TCF7L2: variants seen among roughly 807,000 people sequenced by gnomAD.
TCF7L2 encodes the protein transcription factor 7-like 2.
TCF7L2 carries 23 observed loss-of-function variants against 77.9 expected under a neutral mutation model. The observed-to-expected ratio is 0.30, with a 90% CI of 0.21 to 0.42. TCF7L2 has a LOEUF of 0.42. Ranked by LOEUF, TCF7L2 falls within the 10% of genes least tolerant of loss-of-function variation. The probability of loss-of-function intolerance (pLI) is 1.00; values close to 1 mark genes in which losing one functional copy is unlikely to be tolerated. For synonymous variants in TCF7L2, 413 were observed against 340.2 expected (o/e 1.21, Z -2.36); for missense variants, 654 against 793.1 (o/e 0.82, Z 2.11).
At chr10:112,990,761 TATA>T (rs2135448015) in intron 4 of TCF7L2, among the ~76,000 whole-genome samples, 1 of 152,310 alleles carries the variant, frequency 6.6e-6, no homozygotes, top group Admixed American at 6.5e-5. Flanking sequence ...CCAAGCTGCT[TATA>T]GGTCTTTTAC....
intron 3 of TCF7L2, among the ~76,000 whole-genome samples, chr10:112,956,771 G>A (rs1182623807): frequency 2.0e-5 from 3 of 152,168 alleles, no homozygotes; most frequent in Non-Finnish European, 2.9e-5. Context: ...TTTATTTACA[G>A]CCCATAACAC....
intron 8 of TCF7L2, among the ~76,000 whole-genome samples, chr10:113,146,595 G>A (rs1179123847): frequency 1.3e-5 from 2 of 150,898 alleles, no homozygotes; most frequent in Non-Finnish European, 2.9e-5. Context: ...AAATTTCGTA[G>A]TAGCCGTGTT....
rs564334528 is a variant in TCF7L2, at chr10:113,126,535, A to G, written c.553-14649A>G. 1.1e-4 allele frequency: 104 copies of G among 982,042 alleles called. 1 individual carries two copies. The East Asian group carries it at 1.7e-3, about 16-fold the overall frequency. 60.8% of individuals were successfully genotyped at this position (982,042 alleles called of 1,614,324 possible). On this transcript the variant is annotated intron_variant, in intron 5 of 13. Transcript: ENST00000627217. ...TTGATTGAATGCCGGGGTTTGGGGG[A>G]AAAAAAGAAGAGTAAGAAAGCCCTG...
chr10:113,073,503 CAAAAAAAA>C (rs35730806), intron 5 of TCF7L2, among the ~76,000 whole-genome samples: 12 of 43,964 alleles, frequency 2.7e-4, no homozygotes, highest in Non-Finnish European at 4.3e-4. Context: ...CGGTCTCTAC[CAAAAAAAA>C]AAAAAAAAAA....
chr10:113,118,520 GGT>G (rs34806588), intron 5 of TCF7L2, among the ~76,000 whole-genome samples: 21,275 of 141,470 alleles, frequency 0.15, 1,588 homozygotes, highest in Non-Finnish European at 0.18. Flanking sequence ...TCATCTGGGG[GGT>G]GTGTGTGTGT....
At chr10:113,135,959 G>T (rs975844743) in intron 5 of TCF7L2, among the ~76,000 whole-genome samples, 1 of 152,044 alleles carries the variant, frequency 6.6e-6, no homozygotes, top group Non-Finnish European at 1.5e-5. Flanking sequence ...ATCTCATTGG[G>T]TGCATCTCCC....
intron 5 of TCF7L2, among the ~76,000 whole-genome samples, chr10:113,046,529 C>T (rs1450002466): frequency 6.6e-6 from 1 of 152,192 alleles, no homozygotes; most frequent in East Asian, 1.9e-4. Flanking sequence ...TTAAATTCTG[C>T]TAATGCCTCA....
intron 4 of TCF7L2, among the ~76,000 whole-genome samples, chr10:112,972,649 T>G (rs2038531150): frequency 1.3e-5 from 2 of 152,244 alleles, no homozygotes; most frequent in South Asian, 4.1e-4. Flanking sequence ...TTTTGCATTT[T>G]TAGTGGAGAT....
intron 4 of TCF7L2, among the ~76,000 whole-genome samples, chr10:113,017,068 C>T (rs2047463666): frequency 2.0e-5 from 3 of 152,202 alleles, no homozygotes; most frequent in African/African-American, 7.2e-5. Context: ...CCTCAACACA[C>T]TCCTTTCCAC....
chr10:113,101,578 C>T (rs913205447), intron 5 of TCF7L2, among the ~76,000 whole-genome samples: 5 of 151,794 alleles, frequency 3.3e-5, no homozygotes, highest in Non-Finnish European at 7.4e-5. Flanking sequence ...CGCGGTGGCT[C>T]ACGCCTGTAA....
At chr10:113,134,050 C>T (rs1400476851) in intron 5 of TCF7L2, among the ~76,000 whole-genome samples, 3 of 152,208 alleles carry the variant, frequency 2.0e-5, no homozygotes, top group Admixed American at 1.3e-4. Flanking sequence ...GTGAAACCTT[C>T]TGTCTTTTAT....
At chr10:113,091,466 C>T (rs1411199806) in intron 5 of TCF7L2, among the ~76,000 whole-genome samples, 2 of 152,190 alleles carry the variant, frequency 1.3e-5, no homozygotes, top group East Asian at 3.9e-4. Context: ...GGTGCAGTGG[C>T]TCACGCCTGT....
intron 5 of TCF7L2, among the ~76,000 whole-genome samples, chr10:113,042,543 CTT>C (rs1458020662): frequency 3.3e-5 from 5 of 152,102 alleles, no homozygotes; most frequent in Non-Finnish European, 4.4e-5. Flanking sequence ...TGAATGGTGA[CTT>C]TGGTTCTATG....
At chr10:113,115,991 A>G (rs1205394039) in intron 5 of TCF7L2, among the ~76,000 whole-genome samples, 1 of 152,128 alleles carries the variant, frequency 6.6e-6, no homozygotes, top group Non-Finnish European at 1.5e-5. Flanking sequence ...AATATTATGG[A>G]ATGATTTGAG....
rs17130196 is a variant in TCF7L2, at chr10:113,160,753, C to G, written c.1391+62C>G. ...GCATTCTGTCCTTCCGGTACCTTAG[C>G]GTGATAATTTATTTTGACCTCGTTC... On this transcript the variant is annotated intron_variant, in intron 13 of 13. Coordinates refer to ENST00000627217, the MANE Select transcript of TCF7L2 (RefSeq NM_001146274.2). 1,157 of 1,460,218 alleles carry G rather than the reference C, an allele frequency of 7.9e-4. 4 individuals are homozygous for G. In the African/African-American group the frequency reaches 0.012, roughly 16 times the overall value. The allele number at this position is 1,460,218 out of a possible 1,614,324, so 90.5% of individuals were successfully genotyped here.
intron 5 of TCF7L2, among the ~76,000 whole-genome samples, chr10:113,140,664 T>A (rs939005255): frequency 1.3e-5 from 2 of 152,106 alleles, no homozygotes; most frequent in Non-Finnish European, 2.9e-5. Flanking sequence ...TGCCCGCTGT[T>A]TCTAAGGGCA....
chr10:113,006,205 A>T (rs962860743), intron 4 of TCF7L2, among the ~76,000 whole-genome samples: 1 of 151,644 alleles, frequency 6.6e-6, no homozygotes, highest in Admixed American at 6.6e-5. Context: ...AAGTCGTCCC[A>T]TAAGAATTTC....
intron 13 of TCF7L2, among the ~76,000 whole-genome samples, 177 bp from the exon 15 acceptor site, chr10:113,165,378 T>C (rs536179249): frequency 4.2e-4 from 64 of 152,204 alleles, no homozygotes; most frequent in Non-Finnish European, 8.7e-4. Flanking sequence ...ATCTGGGCAC[T>C]GTGAAGTAAG....
At chr10:113,134,533 A>G (rs920600794) in intron 5 of TCF7L2, among the ~76,000 whole-genome samples, 1 of 152,176 alleles carries the variant, frequency 6.6e-6, no homozygotes, top group African/African-American at 2.4e-5. Context: ...AAACAGGACT[A>G]GTTGAGTTGC....
Sources: gnomAD v4.1 joint callset for allele counts (sites outside exome capture counted in the v4.1 genomes callset) on GRCh38, gnomAD v4.1.1 for gene constraint, MANE v1.5 for transcripts, NCBI Gene and HGNC (gene_info 2026-07-23, HGNC 2026-07-21) for gene names.